The following CDC14A variants were observed in gnomAD, a reference collection of about 807,000 sequenced individuals.
CDC14A encodes cell division cycle 14A, also known as dual specificity protein phosphatase CDC14A.
CDC14A carries 53 observed loss-of-function variants against 74.4 expected under a neutral mutation model. The observed-to-expected ratio is 0.71, with a 90% CI of 0.57 to 0.89. The LOEUF is 0.89. CDC14A is among the 40% of genes least tolerant of loss of function. CDC14A has a pLI of 0.00. For synonymous variants in CDC14A, 247 were observed against 258.4 expected (o/e 0.96, Z 0.43); for missense variants, 646 against 713.7 (o/e 0.91, Z 1.08).
chr1:100,351,089 G>A (rs1288490817), upstream of CDC14A, among the ~76,000 whole-genome samples: 1 of 152,140 alleles, frequency 6.6e-6, no homozygotes, highest in Non-Finnish European at 1.5e-5. Context: ...AACTATTTGG[G>A]AGAATGAGGC....
intron 1 of CDC14A, among the ~76,000 whole-genome samples, chr1:100,347,325 G>C (rs559479532): frequency 1.3e-5 from 2 of 152,252 alleles, no homozygotes; most frequent in South Asian, 4.1e-4. Flanking sequence ...TAGAAGCCTT[G>C]AGTGCTCATC....
intron 3 of CDC14A, among the ~76,000 whole-genome samples, chr1:100,387,633 T>C (rs1657058891): frequency 6.6e-6 from 1 of 152,206 alleles, no homozygotes; most frequent in African/African-American, 2.4e-5. Context: ...CTGATGTAAT[T>C]TATGAAAGCT....
chr1:100,457,114 T>C (rs2101190792), intron 8 of CDC14A, among the ~76,000 whole-genome samples: 1 of 152,344 alleles, frequency 6.6e-6, no homozygotes, highest in Non-Finnish European at 1.5e-5. Context: ...AGTTTTGTTG[T>C]TGGGTATTTG....
At chr1:100,349,978 A>G (rs1650785149), upstream of CDC14A, among the ~76,000 whole-genome samples, 1 of 17,560 alleles carries the variant, frequency 5.7e-5, no homozygotes, top group Non-Finnish European at 1.1e-4. Flanking sequence ...TTTGAAACAT[A>G]GTTTTGCTCG....
intron 4 of CDC14A, among the ~76,000 whole-genome samples, chr1:100,396,634 C>G (rs1481446862): frequency 1.3e-5 from 2 of 152,138 alleles, no homozygotes; most frequent in East Asian, 3.8e-4. Context: ...TACATCACTA[C>G]CTAGCCTTTT....
intron 6 of CDC14A, among the ~76,000 whole-genome samples, chr1:100,441,774 A>C (rs1664959009): frequency 6.6e-6 from 1 of 152,062 alleles, no homozygotes. Flanking sequence ...GCTATGCTGA[A>C]AATGGTGATC....
chr1:100,414,690 T>C (rs1661300454), intron 4 of CDC14A, among the ~76,000 whole-genome samples: 1 of 152,218 alleles, frequency 6.6e-6, no homozygotes, highest in Non-Finnish European at 1.5e-5. Flanking sequence ...TCAAGTGATA[T>C]TCTGGAGTGA....
chr1:100,392,958 T>C (rs1312733827), intron 4 of CDC14A: 2 of 976,632 alleles, frequency 2.0e-6, no homozygotes. Flanking sequence ...GAAGTTGCTG[T>C]TGTCCTTAAC....
At chr1:100,487,504 G>C (rs1670142781) in intron 11 of CDC14A, among the ~76,000 whole-genome samples, 2 of 152,184 alleles carry the variant, frequency 1.3e-5, no homozygotes, top group African/African-American at 4.8e-5. Context: ...GGAGGTTGCA[G>C]AGCTGAGATC....
chr1:100,436,238 T>C (rs1664323688), intron 5 of CDC14A, among the ~76,000 whole-genome samples: 2 of 152,160 alleles, frequency 1.3e-5, no homozygotes, highest in Non-Finnish European at 2.9e-5. Context: ...GTCCCGACTA[T>C]ATTGGTGAGT....
chr1:100,440,316 G>C (rs1456732263), intron 6 of CDC14A, among the ~76,000 whole-genome samples: 1 of 152,078 alleles, frequency 6.6e-6, no homozygotes, highest in Non-Finnish European at 1.5e-5. Context: ...TCTTGGTGTG[G>C]GAGAGTCAGG....
At chr1:100,351,691 G>C, upstream of CDC14A, 1 of 1,499,838 alleles carries the variant, frequency 6.7e-7, no homozygotes, top group South Asian at 1.2e-5. Context: ...GCACTGTAAA[G>C]ATTAGGCATC....
At chr1:100,480,949 GA>G (rs1669403472) in intron 10 of CDC14A, 1 of 152,146 alleles carries the variant, frequency 6.6e-6, no homozygotes, top group Non-Finnish European at 1.5e-5. Context: ...TATGCTTTCA[GA>G]AATTCTCTAA....
At chr1:100,410,968 G>A (rs898061481) in intron 4 of CDC14A, among the ~76,000 whole-genome samples, 4 of 152,148 alleles carry the variant, frequency 2.6e-5, no homozygotes, top group African/African-American at 4.8e-5. Context: ...CTAGCAATGC[G>A]GAGAATAATT....
chr1:100,355,535 T>C (rs981640626), intron 2 of CDC14A, among the ~76,000 whole-genome samples: 1 of 152,230 alleles, frequency 6.6e-6, no homozygotes, highest in Non-Finnish European at 1.5e-5. Flanking sequence ...CCTCTTATAG[T>C]CTACTGTTTT....
At chr1:100,386,473 G>A (rs1481019799) in intron 3 of CDC14A, among the ~76,000 whole-genome samples, 1 of 152,190 alleles carries the variant, frequency 6.6e-6, no homozygotes. Flanking sequence ...CTCATTGAAA[G>A]CCTGTGGCTA....
At chr1:100,413,906 A>G (rs1298612707) in intron 4 of CDC14A, among the ~76,000 whole-genome samples, 1 of 152,218 alleles carries the variant, frequency 6.6e-6, no homozygotes, top group Non-Finnish European at 1.5e-5. Context: ...CTTTAAAGCC[A>G]TTATAGATGT....
chr1:100,415,534 T>C (rs1661429173), intron 4 of CDC14A, among the ~76,000 whole-genome samples: 1 of 152,218 alleles, frequency 6.6e-6, no homozygotes, highest in African/African-American at 2.4e-5. Context: ...GTTAAGCAGG[T>C]ATATTGTCTT....
intron 4 of CDC14A, among the ~76,000 whole-genome samples, chr1:100,420,049 C>CATATATAT (rs1290878145): frequency 7.0e-5 from 1 of 14,248 alleles, no homozygotes; most frequent in African/African-American, 2.8e-4. Context: ...CACACACACA[C>CATATATAT]ACACACACAC....
Sources: gnomAD v4.1 joint callset for allele counts (sites outside exome capture counted in the v4.1 genomes callset) on GRCh38, gnomAD v4.1.1 for gene constraint, MANE v1.5 for transcripts, NCBI Gene and HGNC (gene_info 2026-07-23, HGNC 2026-07-21) for gene names.